Variants in GABBR2 observed in about 807,000 individuals in gnomAD.
The protein encoded by GABBR2 is G-protein coupled receptor 51.
A neutral mutation model predicts 105.6 loss-of-function variants in GABBR2; 23 were observed. The ratio of observed to expected loss-of-function variants is 0.22; its 90% CI spans 0.16 to 0.31. GABBR2 has a LOEUF of 0.31. Ranked by LOEUF, GABBR2 falls within the 10% of genes least tolerant of loss-of-function variation. The pLI is 1.00. For missense variants in GABBR2, 734 were observed against 1,245.5 expected, an observed-to-expected ratio of 0.59 and a Z score of 6.18; for synonymous variants, 478 against 499.7, an observed-to-expected ratio of 0.96 and a Z score of 0.58.
chr9:98,366,300 C>T (rs985572189), intron 12 of GABBR2, among the ~76,000 whole-genome samples: 2 of 152,170 alleles, frequency 1.3e-5, no homozygotes, highest in Admixed American at 1.3e-4. Flanking sequence ...TCTATTTTTG[C>T]AAATAAAGTT....
At chr9:98,643,012 G>A (rs1829986027) in intron 1 of GABBR2, among the ~76,000 whole-genome samples, 1 of 152,116 alleles carries the variant, frequency 6.6e-6, no homozygotes. Flanking sequence ...ATCTCTCCCA[G>A]AAGCAGACTC....
In GABBR2 at chr9:98,338,016, C is replaced by T. The variant is rs142074339; in HGVS notation, c.1893+24699G>A. Among the ~76,000 whole-genome samples the T allele has an allele frequency of 3.6e-3, 554 of 152,158 alleles. 7 individuals are homozygous for T. The highest frequency in any genetic ancestry group is 0.013 in the African/African-American group (532 of 41,512). On this transcript the variant is annotated intron_variant, in intron 13 of 18. Coordinates refer to ENST00000259455, the MANE Select transcript of GABBR2 (RefSeq NM_005458.8). Reference sequence around the variant, plus strand: ...CAGCCTGGGCGACAGAGTGAAACTCCGTCTCGAAAAAACCAAAACAAACAA... The same window carrying T: ...CAGCCTGGGCGACAGAGTGAAACTCTGTCTCGAAAAAACCAAAACAAACAA...
chr9:98,477,831 T>G (rs776129966), intron 5 of GABBR2, among the ~76,000 whole-genome samples: 6 of 152,198 alleles, frequency 3.9e-5, no homozygotes, highest in Non-Finnish European at 7.3e-5. Context: ...CAGTTAACAG[T>G]TAGGATGAAG....
rs547820561 is a variant in GABBR2 at position 98,582,559 on chromosome 9, A to C, written c.322-4487T>G. On this transcript the variant is annotated intron_variant, in intron 1 of 18. Transcript: ENST00000259455. ...TAAATAGGTGTGGTTTACATCACCA[A>C]ATTTGTGGTGATCAGTTACAGCAGC... 2.6e-5 allele frequency among the ~76,000 whole-genome samples: 4 copies of C among 152,338 alleles called. No homozygotes were observed. In the South Asian group the frequency reaches 8.3e-4, roughly 32 times the overall value.
chr9:98,471,423 A>T (rs1826672804), intron 6 of GABBR2, among the ~76,000 whole-genome samples: 1 of 152,258 alleles, frequency 6.6e-6, no homozygotes, highest in African/African-American at 2.4e-5. Context: ...AGAAAAGGGA[A>T]GTCAGTGATC....
chr9:98,617,514 T>C (rs370733579), intron 1 of GABBR2, among the ~76,000 whole-genome samples: 1 of 152,292 alleles, frequency 6.6e-6, no homozygotes, highest in East Asian at 1.9e-4. Flanking sequence ...GGAATCATAA[T>C]GAAAGCATAC....
At chr9:98,385,225 A>G (rs1832050344) in intron 11 of GABBR2, among the ~76,000 whole-genome samples, 2 of 152,004 alleles carry the variant, frequency 1.3e-5, no homozygotes, top group Admixed American at 1.3e-4. Context: ...TATTTCCGAG[A>G]CAGGGTCTTT....
In GABBR2 at chr9:98,595,001, G is replaced by A. The variant is rs1437785335; in HGVS notation, c.322-16929C>T. On this transcript the variant is annotated intron_variant, in intron 1 of 18. Coordinates refer to ENST00000259455, the MANE Select transcript of GABBR2 (RefSeq NM_005458.8). ...TTCTCAGGGAGCTCACGTGCCAGCG[G>A]GGATGAGAGAGGGCACAGTCACCGC... 2.6e-5 allele frequency among the ~76,000 whole-genome samples: 4 copies of A among 152,286 alleles called. No individual in the cohort carries two copies. In the East Asian group the frequency reaches 7.7e-4, roughly 29 times the overall value.
rs563145135 is a variant in GABBR2 at position 98,654,246 on chromosome 9, G to A, written c.321+54171C>T. On this transcript the variant is annotated intron_variant, in intron 1 of 18. Coordinates refer to ENST00000259455, the MANE Select transcript of GABBR2 (RefSeq NM_005458.8). ...CCACGGTGCGCTCTATGGAAACAGAGCCAAGAACTGTTTAAGTGCCTCAAC... is the reference window on the plus strand; with the variant it reads ...CCACGGTGCGCTCTATGGAAACAGAACCAAGAACTGTTTAAGTGCCTCAAC... Among the ~76,000 whole-genome samples the A allele has an allele frequency of 5.9e-5, 9 of 152,290 alleles. No individual in the cohort carries two copies. In the South Asian group the frequency reaches 1.9e-3, roughly 32 times the overall value.
intron 13 of GABBR2, among the ~76,000 whole-genome samples, chr9:98,328,502 T>C (rs781615298): frequency 6.6e-6 from 1 of 152,118 alleles, no homozygotes; most frequent in Admixed American, 6.5e-5. Context: ...GGGTGCACGT[T>C]GCAAACAAAA....
chr9:98,574,565 T>C (rs1218268040), intron 2 of GABBR2, among the ~76,000 whole-genome samples: 1 of 152,234 alleles, frequency 6.6e-6, no homozygotes, highest in East Asian at 1.9e-4. Flanking sequence ...GTGTCTGAAT[T>C]CCTGAACCAG....
At chr9:98,669,226 G>GT (rs1441448377) in intron 1 of GABBR2, among the ~76,000 whole-genome samples, 5 of 152,050 alleles carry the variant, frequency 3.3e-5, no homozygotes, top group African/African-American at 7.2e-5. Flanking sequence ...CTTCTGTGGT[G>GT]TTTTTTTGTT....
intron 4 of GABBR2, among the ~76,000 whole-genome samples, chr9:98,484,680 T>G (rs893777602): frequency 6.6e-5 from 10 of 152,098 alleles, no homozygotes; most frequent in African/African-American, 2.4e-4. Flanking sequence ...GTCCCGAGTG[T>G]AGGAAGTGCA....
intron 13 of GABBR2, among the ~76,000 whole-genome samples, chr9:98,360,455 C>A (rs3780432): frequency 1.3e-5 from 2 of 152,048 alleles, no homozygotes; most frequent in African/African-American, 2.4e-5. Flanking sequence ...GCACACCCTG[C>A]AGGGAGACAC....
chr9:98,489,629 G>A (rs537746545), intron 4 of GABBR2, among the ~76,000 whole-genome samples: 1 of 151,878 alleles, frequency 6.6e-6, no homozygotes, highest in Admixed American at 6.6e-5. Context: ...CTCTATTCCA[G>A]CATCTCTCAA....
intron 8 of GABBR2, among the ~76,000 whole-genome samples, chr9:98,396,334 G>A (rs1298163088): frequency 3.9e-5 from 6 of 152,238 alleles, no homozygotes; most frequent in Non-Finnish European, 2.9e-5. Context: ...CTGAGGAAGT[G>A]CCTCCTGGGG....
chr9:98,681,662 T>C (rs889620427), intron 1 of GABBR2, among the ~76,000 whole-genome samples: 2 of 152,142 alleles, frequency 1.3e-5, no homozygotes, highest in African/African-American at 4.8e-5. Flanking sequence ...ACTAAATGAA[T>C]AATTACAACC....
At chr9:98,367,157 T>C (rs10818824) in intron 12 of GABBR2, among the ~76,000 whole-genome samples, 57,854 of 150,322 alleles carry the variant, frequency 0.38, 13,262 homozygotes, top group African/African-American at 0.65. Flanking sequence ...AGTTTGTGTA[T>C]GTATGTTTGG....
intron 9 of GABBR2, among the ~76,000 whole-genome samples, chr9:98,393,221 AC>A (rs1435756377): frequency 7.1e-6 from 1 of 140,210 alleles, no homozygotes; most frequent in East Asian, 2.3e-4. Context: ...CTATCCATCT[AC>A]CCAGCCATCC....
Sources: allele counts gnomAD v4.1 joint callset (sites outside exome capture counted in the v4.1 genomes callset), GRCh38; gene constraint gnomAD v4.1.1; transcripts MANE v1.5; gene names NCBI Gene and HGNC (gene_info 2026-07-23, HGNC 2026-07-21).